LINS1: variants seen among roughly 807,000 people sequenced by gnomAD.
The protein encoded by LINS1 is protein Lines homolog 1.
A neutral mutation model predicts 41.6 loss-of-function variants in LINS1; 27 were observed. The observed-to-expected ratio is 0.65, with a 90% confidence interval of 0.48 to 0.89. The LOEUF (loss-of-function observed/expected upper bound fraction) is 0.89, where lower values mean the gene tolerates loss of function less well. LINS1 is among the 40% of genes least tolerant of loss of function. The probability of loss-of-function intolerance (pLI) is 0.00; values close to 1 mark genes in which losing one functional copy is unlikely to be tolerated. For synonymous variants in LINS1, 336 were observed against 312.9 expected, an observed-to-expected ratio of 1.07 and a Z score of -0.78; for missense variants, 955 against 884.1, an observed-to-expected ratio of 1.08 and a Z score of -1.02.
At chr15:100,596,094 G>A (rs2039232527) in intron 1 of LINS1, among the ~76,000 whole-genome samples, 1 of 152,210 alleles carries the variant, frequency 6.6e-6, no homozygotes, top group Admixed American at 6.5e-5. Flanking sequence ...TTTGGAGTGG[G>A]AGGGGCGGAA....
intron 3 of LINS1, among the ~76,000 whole-genome samples, chr15:100,579,652 G>A (rs2038413870): frequency 6.6e-6 from 1 of 151,766 alleles, no homozygotes; most frequent in Non-Finnish European, 1.5e-5. Context: ...TGAAAAGTCA[G>A]TAGATATTTC....
intron 6 of LINS1, among the ~76,000 whole-genome samples, chr15:100,571,373 C>T (rs8023725): frequency 0.38 from 57,323 of 151,864 alleles, 11,550 homozygotes; most frequent in Non-Finnish European, 0.47. Flanking sequence ...CCAAGTACAG[C>T]TATTTTAATA....
At position 100,572,301 on chromosome 15, in the gene LINS1, C is replaced by CA. The variant is rs1951633014; in HGVS notation, c.1223-237dup. ...ATACATTTAAAATGTACAGCTACATCATCTATTTGCAACAACTGCCTAACA... is the reference window on the plus strand; with the variant it reads ...ATACATTTAAAATGTACAGCTACATCAATCTATTTGCAACAACTGCCTAACA... On this transcript the variant is annotated intron_variant, in intron 5 of 6. Transcript: ENST00000314742. 8 of 1,303,398 alleles carry CA rather than the reference C, an allele frequency of 6.1e-6. No individual in the cohort carries two copies. The South Asian group carries it at 1.3e-4, about 21-fold the overall frequency. The allele number at this position is 1,303,398 out of a possible 1,614,324, so 80.7% of individuals were successfully genotyped here. A position where few individuals can be genotyped will look rare whatever the true frequency, so the allele number is the denominator to read the frequency against.
chr15:100,595,716 C>T (rs1006789921), intron 1 of LINS1, among the ~76,000 whole-genome samples: 1 of 152,184 alleles, frequency 6.6e-6, no homozygotes, highest in African/African-American at 2.4e-5. Flanking sequence ...GATGTGGCTA[C>T]TACATAGACT....
In LINS1 at chr15:100,567,435, T is replaced by G. The variant is rs143883749; in HGVS notation, c.*1803A>C. 1 of 152,250 alleles carries G rather than the reference T, an allele frequency of 6.6e-6. No individual in the cohort carries two copies. Among genetic ancestry groups the G allele is most frequent in the East Asian group, 1.9e-4 (1 of 5,206 alleles). The allele number at this position is 152,250 out of a possible 1,614,324, so 9.4% of individuals were successfully genotyped here. A position where few individuals can be genotyped will look rare whatever the true frequency, so the allele number is the denominator to read the frequency against. On this transcript the variant is annotated 3_prime_UTR_variant, in exon 7 of 7. Transcript: ENST00000314742. ...GGCAACCACTATTATGACTTTCTTA[T>G]GTAGTCTTACATACATATTTTATAC...
chr15:100,572,275 C>T, intron 5 of LINS1: 1 of 1,368,024 alleles, frequency 7.3e-7, no homozygotes, highest in Non-Finnish European at 9.4e-7. Context: ...CATTCCAGAG[C>T]ATACATTTAA....
At chr15:100,570,273 C>T in intron 6 of LINS1, 156 bp from the exon 7 acceptor site, 1 of 564,714 alleles carries the variant, frequency 1.8e-6, no homozygotes. Context: ...CCATTCCCTT[C>T]CCCATAAGCT....
intron 1 of LINS1, among the ~76,000 whole-genome samples, chr15:100,584,571 G>GAA (rs66866479): frequency 1.4e-5 from 2 of 146,512 alleles, no homozygotes; most frequent in Non-Finnish European, 3.0e-5. Flanking sequence ...AGAGACAGAG[G>GAA]AAAAAAAAAA....
intron 1 of LINS1, chr15:100,586,167 C>T (rs1319233347): frequency 6.6e-6 from 1 of 152,182 alleles, no homozygotes; most frequent in Non-Finnish European, 1.5e-5. Context: ...CTGACTGCCT[C>T]CTTTAGAAAG....
intron 1 of LINS1, among the ~76,000 whole-genome samples, chr15:100,587,680 T>C (rs2038870568): frequency 6.6e-6 from 1 of 152,200 alleles, no homozygotes. Context: ...TTGTCCCATT[T>C]ATCCAGAATT....
Position 100,580,579 on chromosome 15 carries a change from T to G in LINS1, c.264A>C (p.Val88=). 1 of 1,614,072 alleles carries G rather than the reference T, an allele frequency of 6.2e-7. No homozygotes were observed. Among genetic ancestry groups the G allele is most frequent in the South Asian group, 1.1e-5 (1 of 91,082 alleles). ...TGATCACTGTTAACTGAAGGAGCAT[T>G]ACTTCTCTGGAACCGCTCATCTGAG... ...TNSQMSGSRE[V]MLLQLTVIKV... Residue 88 remains valine (V), a synonymous_variant, in exon 2 of 7, where the codon GTA becomes GTC. Transcript: ENST00000314742.
intron 5 of LINS1, chr15:100,573,397 C>A: frequency 8.0e-7 from 1 of 1,247,730 alleles, no homozygotes; most frequent in Non-Finnish European, 1.0e-6. Context: ...TTTGAGATGA[C>A]TCAACAGCAA....
chr15:100,574,754 C>T (rs2038060429), intron 4 of LINS1, among the ~76,000 whole-genome samples: 1 of 152,186 alleles, frequency 6.6e-6, no homozygotes, highest in African/African-American at 2.4e-5. Context: ...TTACGAATAT[C>T]AGTAACATCA....
intron 3 of LINS1, 59 bp downstream of exon 3, chr15:100,580,204 T>C (rs1596919030): frequency 7.5e-7 from 1 of 1,325,326 alleles, no homozygotes; most frequent in Non-Finnish European, 1.1e-6. Context: ...CACAAAACAT[T>C]TAAATTTAAA....
At chr15:100,591,801 G>A (rs1165183799) in intron 1 of LINS1, among the ~76,000 whole-genome samples, 1 of 152,150 alleles carries the variant, frequency 6.6e-6, no homozygotes, top group Non-Finnish European at 1.5e-5. Context: ...AGACAGAGAG[G>A]GGCGAGAGTT....
Position 100,569,473 on chromosome 15 carries a change from C to T in LINS1, c.2039G>A (p.Arg680Lys), listed in dbSNP as rs927879692. ...KKEFSLEPPS[R>K]PLVLKEFDTA... is the part of the protein sequence containing the mutation. ...ATCAAATTCTTTCAGAACCAGAGGC[C>T]TTGATGGAGGCTCAAGGCTAAATTC... The change falls in exon 7 of 7, where the codon AGG becomes AAG. Residue 680 changes from arginine to lysine, a missense_variant. Coordinates refer to ENST00000314742, the MANE Select transcript of LINS1 (RefSeq NM_001040616.3). The T allele has an allele frequency of 6.2e-7, 1 of 1,614,172 alleles. No individual in the cohort carries two copies. The highest frequency in any genetic ancestry group is 8.5e-7 in the Non-Finnish European group (1 of 1,180,022).
intron 1 of LINS1, among the ~76,000 whole-genome samples, chr15:100,592,903 T>G (rs1018580814): frequency 6.6e-6 from 1 of 152,218 alleles, no homozygotes; most frequent in Non-Finnish European, 1.5e-5. Context: ...TTAAAATAAA[T>G]GTCCGTGGGT....
chr15:100,593,988 C>T lies in LINS1; in HGVS notation c.-104+8133G>A, dbSNP rs188384862. Among the ~76,000 whole-genome samples the T allele has an allele frequency of 1.1e-4, 16 of 152,274 alleles. No individual in the cohort carries two copies. The East Asian group carries it at 2.9e-3, about 28-fold the overall frequency. On this transcript the variant is annotated intron_variant, in intron 1 of 6. Transcript: ENST00000314742. ...CTGAGTTTTTAAAATTGTATAGTCA[C>T]CCCTCGGTATCTGTGGGGGATTGGT...
chr15:100,597,892 G>A (rs2141365200), intron 1 of LINS1, among the ~76,000 whole-genome samples: 1 of 152,330 alleles, frequency 6.6e-6, no homozygotes, highest in Middle Eastern at 3.4e-3. Context: ...CCTCAGCCAA[G>A]TAGCATACTC....
Sources: gnomAD v4.1 joint callset for allele counts (sites outside exome capture counted in the v4.1 genomes callset) on GRCh38, gnomAD v4.1.1 for gene constraint, MANE v1.5 for transcripts, NCBI Gene and HGNC (gene_info 2026-07-23, HGNC 2026-07-21) for gene names.